The following PLCZ1 variants were observed in gnomAD, a reference collection of about 807,000 sequenced individuals.
PLCZ1 encodes the protein 1-phosphatidylinositol 4,5-bisphosphate phosphodiesterase zeta-1.
Under a neutral mutation model 76.8 loss-of-function variants are expected in PLCZ1, and 64 were observed. The observed-to-expected ratio is 0.83, with a 90% CI of 0.68 to 1.03. The LOEUF is 1.03. Ranked by LOEUF, PLCZ1 falls within the 50% of genes least tolerant of loss-of-function variation. The pLI is 0.00. For synonymous variants in PLCZ1, 248 were observed against 230.8 expected (o/e 1.07, Z -0.68); for missense variants, 751 against 713.7 (o/e 1.05, Z -0.60).
At chr12:18,651,695 T>C in the PLCZ1 span, among the ~76,000 whole-genome samples, 2 of 152,158 alleles carry the variant, frequency 1.3e-5, no homozygotes, top group Non-Finnish European at 2.9e-5. Flanking sequence ...GCCTTTTCTC[T>C]AGATCCATTC....
At chr12:18,736,764 A>G in intron 2 of PLCZ1, 1 of 1,007,658 alleles carries the variant, frequency 9.9e-7, no homozygotes, top group Non-Finnish European at 1.4e-6. Context: ...GGAAAGTGGA[A>G]GCATTAGATG....
In PLCZ1 at chr12:18,703,668, T is replaced by G. The variant is rs1956228842; in HGVS notation, c.864+1498A>C. 2.6e-5 allele frequency among the ~76,000 whole-genome samples: 4 copies of G among 152,206 alleles called. No homozygotes were observed. In the South Asian group the frequency reaches 8.3e-4, roughly 31 times the overall value. The stretch of plus-strand genomic sequence containing the variant: ...AAATCTTAAATCTGTATGTTAACCC[T>G]TGTGTGGAAAATACTGTAATTCTGT... On this transcript the variant is annotated intron_variant, in intron 7 of 14. Transcript: ENST00000266505.
intron 7 of PLCZ1, among the ~76,000 whole-genome samples, chr12:18,702,076 A>C (rs183524238): frequency 6.6e-6 from 1 of 152,266 alleles, no homozygotes; most frequent in Non-Finnish European, 1.5e-5. Flanking sequence ...TGAAAAGTAT[A>C]TATATATAAA....
At chr12:18,733,368 C>T (rs1959156968) in intron 3 of PLCZ1, among the ~76,000 whole-genome samples, 1 of 152,110 alleles carries the variant, frequency 6.6e-6, no homozygotes, top group Non-Finnish European at 1.5e-5. Context: ...AGATATGTGG[C>T]TTGCAAATAT....
At chr12:18,668,929 T>G in the PLCZ1 span, among the ~76,000 whole-genome samples, 10 of 152,106 alleles carry the variant, frequency 6.6e-5, no homozygotes, top group African/African-American at 2.4e-4. Flanking sequence ...AATAAATTAC[T>G]AGATGTGCAA....
the PLCZ1 span, among the ~76,000 whole-genome samples, chr12:18,661,929 C>T: frequency 1.3e-5 from 2 of 152,006 alleles, no homozygotes; most frequent in African/African-American, 4.8e-5. Flanking sequence ...TGAAATACTA[C>T]ACATCCATAA....
the PLCZ1 span, among the ~76,000 whole-genome samples, chr12:18,650,728 A>ATC: frequency 1.5e-3 from 35 of 23,458 alleles, no homozygotes; most frequent in South Asian, 2.0e-3. Context: ...ATATATATAT[A>ATC]TATATATATA....
At chr12:18,720,639 G>A (rs1958384940) in intron 4 of PLCZ1, among the ~76,000 whole-genome samples, 1 of 151,840 alleles carries the variant, frequency 6.6e-6, no homozygotes, top group African/African-American at 2.4e-5. Flanking sequence ...TATTACTGTT[G>A]ATAGTTCATT....
the PLCZ1 span, chr12:18,648,185 T>C: frequency 2.6e-6 from 1 of 387,814 alleles, no homozygotes; most frequent in Non-Finnish European, 4.6e-6. Context: ...GTGTTGTTTA[T>C]TTTCTACCTG....
At chr12:18,687,193 C>T (rs371386843) in intron 13 of PLCZ1, among the ~76,000 whole-genome samples, 1 of 152,078 alleles carries the variant, frequency 6.6e-6, no homozygotes, top group Admixed American at 6.6e-5. Flanking sequence ...CCATGACTTT[C>T]GCTCTAGAAG....
At chr12:18,658,492 G>C in the PLCZ1 span, among the ~76,000 whole-genome samples, 1 of 152,092 alleles carries the variant, frequency 6.6e-6, no homozygotes, top group African/African-American at 2.4e-5. Flanking sequence ...ATGGCTGATT[G>C]TTACCACAGA....
chr12:18,685,730 A>G, intron 13 of PLCZ1: 1 of 477,866 alleles, frequency 2.1e-6, no homozygotes. Flanking sequence ...ACTGCAAAAC[A>G]TCTGCAGAAA....
chr12:18,724,097 G>T (rs1488859988), intron 3 of PLCZ1, among the ~76,000 whole-genome samples: 2 of 152,090 alleles, frequency 1.3e-5, no homozygotes, highest in Admixed American at 6.6e-5. Flanking sequence ...AAGGCAAGTT[G>T]TTAAAAGTAC....
At position 18,699,904 on chromosome 12, in the gene PLCZ1, T is replaced by C; in HGVS notation, c.1064A>G (p.Tyr355Cys). ...IALALSDLVIYTKAEKFKSFQ... is the reference protein window; with the variant it reads ...IALALSDLVICTKAEKFKSFQ... ...GCTTTTGAATTTCTCAGCTTTCGTA[T>C]AAATGACAAGATCAGATAAGGCCAG... The change falls in exon 10 of 15, where the codon TAT becomes TGT. Residue 355 changes from tyrosine to cysteine, a missense_variant. Tyr to Cys is a radical substitution (Grantham distance 194). Coordinates refer to ENST00000266505, the MANE Select transcript of PLCZ1 (RefSeq NM_033123.4). The C allele has an allele frequency of 6.2e-7, 1 of 1,612,592 alleles. No homozygotes were observed.
chr12:18,721,482 A>G (rs775845735), intron 4 of PLCZ1, among the ~76,000 whole-genome samples: 15 of 152,052 alleles, frequency 9.9e-5, no homozygotes, highest in Non-Finnish European at 2.1e-4. Flanking sequence ...TTGTAGTTAA[A>G]ATGCAAACAC....
intron 11 of PLCZ1, among the ~76,000 whole-genome samples, chr12:18,695,304 C>T (rs547540206): frequency 3.9e-5 from 6 of 152,090 alleles, no homozygotes; most frequent in Non-Finnish European, 7.4e-5. Context: ...AATTACTACA[C>T]AGCTTTGAGT....
chr12:18,671,946 A>G, the PLCZ1 span, among the ~76,000 whole-genome samples: 1 of 152,128 alleles, frequency 6.6e-6, no homozygotes. Flanking sequence ...GAGTGGGCAT[A>G]TAAGAGCCCT....
intron 6 of PLCZ1, 53 bp downstream of exon 6, chr12:18,712,789 A>G: frequency 1.3e-6 from 2 of 1,590,710 alleles, no homozygotes; most frequent in Non-Finnish European, 1.7e-6. Flanking sequence ...AAGCAAGTAA[A>G]TTAGAATTGC....
chr12:18,691,573 G>A (rs1473388934), intron 12 of PLCZ1, among the ~76,000 whole-genome samples: 2 of 152,116 alleles, frequency 1.3e-5, no homozygotes, highest in Non-Finnish European at 2.9e-5. Flanking sequence ...GGAAGGTAGG[G>A]GGTAAAAGGA....
Sources: gnomAD v4.1 joint callset for allele counts (sites outside exome capture counted in the v4.1 genomes callset) on GRCh38, gnomAD v4.1.1 for gene constraint, MANE v1.5 for transcripts, NCBI Gene and HGNC (gene_info 2026-07-23, HGNC 2026-07-21) for gene names.